The following TMCC3 variants were observed in gnomAD, a reference collection of about 807,000 sequenced individuals.
TMCC3 encodes the protein transmembrane and coiled-coil domain protein 3.
In TMCC3, 28 loss-of-function variants were observed where a neutral mutation model predicts 40.2. The ratio of observed to expected loss-of-function variants is 0.70; its 90% CI spans 0.52 to 0.95. The LOEUF (loss-of-function observed/expected upper bound fraction) is 0.95, where lower values mean the gene tolerates loss of function less well. Ranked by LOEUF, TMCC3 falls within the 40% of genes least tolerant of loss-of-function variation. The probability of loss-of-function intolerance (pLI) is 0.00; values close to 1 mark genes in which losing one functional copy is unlikely to be tolerated. For synonymous variants in TMCC3, 255 were observed against 248.5 expected (o/e 1.03, Z -0.25); for missense variants, 554 against 615.2 (o/e 0.90, Z 1.05).
intron 1 of TMCC3, among the ~76,000 whole-genome samples, chr12:94,637,582 C>T (rs911063728): frequency 1.1e-4 from 16 of 152,172 alleles, no homozygotes; most frequent in African/African-American, 1.9e-4. Flanking sequence ...CAGTGTTCAG[C>T]GTGGTAATAT....
At chr12:94,594,303 C>G (rs1009813768) in intron 1 of TMCC3, among the ~76,000 whole-genome samples, 4 of 151,976 alleles carry the variant, frequency 2.6e-5, no homozygotes, top group Non-Finnish European at 5.9e-5. Flanking sequence ...CACTAGCTCA[C>G]TGCAACCTTG....
At chr12:94,597,634 C>T (rs1043308476) in intron 1 of TMCC3, among the ~76,000 whole-genome samples, 2 of 152,010 alleles carry the variant, frequency 1.3e-5, no homozygotes, top group African/African-American at 4.8e-5. Flanking sequence ...GGCAAAACTC[C>T]ATCTCTACTA....
chr12:94,580,036 T>C (rs1003190297), intron 2 of TMCC3, among the ~76,000 whole-genome samples: 4 of 152,236 alleles, frequency 2.6e-5, no homozygotes, highest in East Asian at 1.9e-4. Context: ...AATTGGAGAA[T>C]TGAAAAGGCC....
At chr12:94,594,632 T>A (rs1314535712) in intron 1 of TMCC3, among the ~76,000 whole-genome samples, 1 of 152,092 alleles carries the variant, frequency 6.6e-6, no homozygotes, top group African/African-American at 2.4e-5. Flanking sequence ...GATGTGGGAA[T>A]ATCGAGTTTA....
chr12:94,639,884 T>A (rs2068980337), intron 1 of TMCC3, among the ~76,000 whole-genome samples: 1 of 152,148 alleles, frequency 6.6e-6, no homozygotes, highest in Non-Finnish European at 1.5e-5. Flanking sequence ...AAACACTCAC[T>A]AACTCAAATT....
chr12:94,584,406 G>A (rs977072246), intron 1 of TMCC3, among the ~76,000 whole-genome samples: 3 of 152,096 alleles, frequency 2.0e-5, no homozygotes, highest in Non-Finnish European at 4.4e-5. Flanking sequence ...CCTGTACACA[G>A]CCTGCAGAAC....
intron 1 of TMCC3, among the ~76,000 whole-genome samples, chr12:94,603,624 G>A (rs138860386): frequency 5.3e-5 from 8 of 152,296 alleles, no homozygotes; most frequent in Non-Finnish European, 8.8e-5. Context: ...CGGGGAAGTA[G>A]GGGTACGGAG....
chr12:94,626,286 G>A (rs1236555037), intron 1 of TMCC3, among the ~76,000 whole-genome samples: 4 of 152,148 alleles, frequency 2.6e-5, no homozygotes, highest in East Asian at 1.9e-4. Context: ...CAGACAAACC[G>A]TATCATCTGC....
At chr12:94,589,134 G>GT (rs1193357757) in intron 1 of TMCC3, among the ~76,000 whole-genome samples, 3,670 of 88,438 alleles carry the variant, frequency 0.041, 123 homozygotes, top group African/African-American at 0.14. Context: ...GTATGAGGTT[G>GT]TTGTTTTTTT....
At chr12:94,637,399 G>C (rs1020083576) in intron 1 of TMCC3, among the ~76,000 whole-genome samples, 5 of 152,180 alleles carry the variant, frequency 3.3e-5, no homozygotes, top group Admixed American at 3.3e-4. Flanking sequence ...ACATTGAAAT[G>C]GGCTAGGAGT....
At chr12:94,615,575 C>T (rs534069522) in intron 1 of TMCC3, among the ~76,000 whole-genome samples, 11 of 152,338 alleles carry the variant, frequency 7.2e-5, no homozygotes, top group Admixed American at 2.0e-4. Flanking sequence ...GGGTTACTTT[C>T]GAACTCCCAG....
chr12:94,649,496 A>G (rs1299454139), intron 1 of TMCC3, among the ~76,000 whole-genome samples: 1 of 152,228 alleles, frequency 6.6e-6, no homozygotes, highest in Admixed American at 6.5e-5. Flanking sequence ...AACAGATGCC[A>G]GCGTGGAGGA....
At chr12:94,602,059 G>T (rs1288866874) in intron 1 of TMCC3, among the ~76,000 whole-genome samples, 2 of 152,104 alleles carry the variant, frequency 1.3e-5, no homozygotes. Context: ...AAAACAGTGT[G>T]TTATAATTAG....
intron 1 of TMCC3, among the ~76,000 whole-genome samples, chr12:94,599,065 G>A (rs2068735131): frequency 6.6e-6 from 1 of 152,214 alleles, no homozygotes; most frequent in South Asian, 2.1e-4. Flanking sequence ...TAAAGGCACA[G>A]ATTTCAGAGC....
chr12:94,581,331 G>A (rs1409346672), intron 2 of TMCC3, among the ~76,000 whole-genome samples: 2 of 152,110 alleles, frequency 1.3e-5, no homozygotes, highest in Admixed American at 6.6e-5. Flanking sequence ...GGAACATTCT[G>A]GATTTCAGAG....
intron 1 of TMCC3, among the ~76,000 whole-genome samples, chr12:94,647,991 C>G (rs1270686794): frequency 6.6e-6 from 1 of 152,188 alleles, no homozygotes; most frequent in Non-Finnish European, 1.5e-5. Flanking sequence ...ACTGGGACCT[C>G]AAGAAGTCCA....
chr12:94,649,667 C>T (rs187443446), intron 1 of TMCC3, among the ~76,000 whole-genome samples: 1 of 152,372 alleles, frequency 6.6e-6, no homozygotes, highest in Admixed American at 6.5e-5. Flanking sequence ...GCTGCGGCCT[C>T]CGTCTTTATT....
chr12:94,583,994 C>T lies in TMCC3; in HGVS notation c.79-1456G>A, dbSNP rs538315962. 7.2e-5 allele frequency among the ~76,000 whole-genome samples: 11 copies of T among 152,118 alleles called. No individual in the cohort carries two copies. In the South Asian group the frequency reaches 2.3e-3, roughly 32 times the overall value. ...AATAGAAATCAAATGAGAAGCAAGA[C>T]AATATTCAGCATGTTACCTTTTTTT... On this transcript the variant is annotated intron_variant, in intron 1 of 3. Transcript: ENST00000261226.
At chr12:94,631,248 C>G (rs1382945140) in intron 1 of TMCC3, among the ~76,000 whole-genome samples, 1 of 152,114 alleles carries the variant, frequency 6.6e-6, no homozygotes, top group Admixed American at 6.5e-5. Flanking sequence ...TATGCACACA[C>G]ACACATCAAA....
Sources: gnomAD v4.1 joint callset for allele counts (sites outside exome capture counted in the v4.1 genomes callset) on GRCh38, gnomAD v4.1.1 for gene constraint, MANE v1.5 for transcripts, NCBI Gene and HGNC (gene_info 2026-07-23, HGNC 2026-07-21) for gene names.